Variants in BTN1A1 observed in about 807,000 individuals in gnomAD.
The protein encoded by BTN1A1 is bK14H9.2 (butyrophilin, subfamily 1, member A1).
Under a neutral mutation model 33.1 loss-of-function variants are expected in BTN1A1, and 26 were observed. The observed-to-expected ratio is 0.79, with a 90% CI of 0.58 to 1.09. The LOEUF is 1.09. Ranked by LOEUF, BTN1A1 falls within the 50% of genes least tolerant of loss-of-function variation. BTN1A1 has a pLI of 0.00. For missense variants in BTN1A1, 558 were observed against 655.7 expected (o/e 0.85, Z 1.63); for synonymous variants, 235 against 256.2 (o/e 0.92, Z 0.79).
chr6:26,509,107 C>A lies in BTN1A1; in HGVS notation c.1514C>A (p.Ala505Asp). ...IPLSPMGEDSAPRDADTLHSK... is the reference protein window; with the variant it reads ...IPLSPMGEDSDPRDADTLHSK... ...TTGTCCCCCATGGGGGAGGACTCTG[C>A]CCCTAGGGATGCAGACACTCTCCAT... The change falls in exon 8 of 8, where the codon GCC becomes GAC. Residue 505 changes from alanine to aspartate, a missense_variant. By Grantham distance (126) the Ala-to-Asp change is moderately radical. Transcript: ENST00000684113. The A allele has an allele frequency of 6.2e-7, 1 of 1,614,022 alleles. No individual in the cohort carries two copies. The highest frequency in any genetic ancestry group is 8.5e-7 in the Non-Finnish European group (1 of 1,179,958).
At position 26,501,532 on chromosome 6, in the gene BTN1A1, G is replaced by T; in HGVS notation, c.80-58G>T. Reference sequence around the variant, plus strand: ...CTGCGCTTTGGCGGGAATCTGGTCGGTGTCTGTCCGTAGTTCCCATCTCCA... The same window carrying T: ...CTGCGCTTTGGCGGGAATCTGGTCGTTGTCTGTCCGTAGTTCCCATCTCCA... On this transcript the variant is annotated intron_variant, in intron 2 of 7. Transcript: ENST00000684113. The surrounding 1 kb of genome is among the most constrained non-coding windows in gnomAD (Gnocchi z 5.2). 6.2e-7 allele frequency: 1 copy of T among 1,601,558 alleles called. No individual in the cohort carries two copies. Among genetic ancestry groups the T allele is most frequent in the Non-Finnish European group, 8.5e-7 (1 of 1,171,736 alleles).
rs1467155978 is a variant in BTN1A1, at chr6:26,501,546, T to C, written c.80-44T>C. On this transcript the variant is annotated intron_variant, in intron 2 of 7. Transcript: ENST00000684113. The surrounding 1 kb of genome is among the most constrained non-coding windows in gnomAD (Gnocchi z 5.2). ...GAATCTGGTCGGTGTCTGTCCGTAGTTCCCATCTCCACATCCCGTCTGATC... is the reference window on the plus strand; with the variant it reads ...GAATCTGGTCGGTGTCTGTCCGTAGCTCCCATCTCCACATCCCGTCTGATC... The C allele has an allele frequency of 6.2e-7, 1 of 1,605,640 alleles. No homozygotes were observed. Among genetic ancestry groups the C allele is most frequent in the Non-Finnish European group, 8.5e-7 (1 of 1,174,314 alleles).
Position 26,501,832 on chromosome 6 carries a change from G to T in BTN1A1, c.322G>T (p.Ala108Ser). 3 of 1,612,228 alleles carry T rather than the reference G, an allele frequency of 1.9e-6. No homozygotes were observed. Among genetic ancestry groups the T allele is most frequent in the Non-Finnish European group, 2.5e-6 (3 of 1,178,818 alleles). The change falls in exon 3 of 8, where the codon GCC becomes TCC. Residue 108 changes from alanine (A) to serine (S), a missense_variant. Physicochemically the swap from Ala to Ser is moderately conservative, Grantham distance 99. Transcript: ENST00000684113. The surrounding 1 kb of genome is among the most constrained non-coding windows in gnomAD (Gnocchi z 5.2). ...GGACGGCATCGCCAAGGGGCGCGTG[G>T]CCTTGAGGATCCGTGGCGTCAGAGT... ...VQDGIAKGRV[A>S]LRIRGVRVSD... is the part of the protein sequence containing the mutation.
In BTN1A1 at chr6:26,501,497, G is replaced by A. The variant is rs1763797440; in HGVS notation, c.80-93G>A. The A allele has an allele frequency of 9.5e-6, 15 of 1,586,084 alleles. No individual in the cohort carries two copies. Among genetic ancestry groups the A allele is most frequent in the Non-Finnish European group, 1.3e-5 (15 of 1,159,048 alleles). ...ACTCAGCTGTCAAAGGAGTAAGAGA[G>A]CGCGGGGCACTGCGCTTTGGCGGGA... On this transcript the variant is annotated intron_variant, in intron 2 of 7. Coordinates refer to ENST00000684113, the MANE Select transcript of BTN1A1 (RefSeq NM_001732.3). This position sits in a 1 kb window ranked among gnomAD's most constrained non-coding sequence, Gnocchi z 5.2.
At chr6:26,506,541 A>G in intron 4 of BTN1A1, 142 bp from the exon 5 acceptor site, 1 of 811,340 alleles carries the variant, frequency 1.2e-6, no homozygotes, top group South Asian at 1.7e-5. Flanking sequence ...TTAGAGTGGC[A>G]TTGGAGTGAC....
intron 5 of BTN1A1, among the ~76,000 whole-genome samples, chr6:26,507,193 C>T (rs1398909423): frequency 6.6e-6 from 1 of 151,926 alleles, no homozygotes; most frequent in African/African-American, 2.4e-5. Context: ...TGCACTCTAG[C>T]CTGAGCGACA....
At position 26,508,485 on chromosome 6, in the gene BTN1A1, G is replaced by A. The variant is rs774265636; in HGVS notation, c.908-16G>A. On this transcript the variant is annotated splice_polypyrimidine_tract_variant and intron_variant, in intron 7 of 7. Transcript: ENST00000684113. ...AATATTCACTGATGTCAGACCTGCT[G>A]TTTCTTTCTCTCCAGTTGATGTGAC... 5 of 1,601,254 alleles carry A rather than the reference G, an allele frequency of 3.1e-6. No individual in the cohort carries two copies. Among genetic ancestry groups the A allele is most frequent in the Admixed American group, 3.4e-5 (2 of 58,928 alleles).
At chr6:26,506,273 T>C (rs1221867103) in intron 4 of BTN1A1, among the ~76,000 whole-genome samples, 1 of 152,204 alleles carries the variant, frequency 6.6e-6, no homozygotes, top group Non-Finnish European at 1.5e-5. Flanking sequence ...ATACTGTCTC[T>C]GGTTCAGGCA....
Position 26,501,770 on chromosome 6 carries a change from A to G in BTN1A1, c.260A>G (p.Gln87Arg). The G allele has an allele frequency of 3.1e-6, 5 of 1,613,754 alleles. No homozygotes were observed. The highest frequency in any genetic ancestry group is 4.2e-6 in the Non-Finnish European group (5 of 1,179,968). The change falls in exon 3 of 8, where the codon CAG becomes CGG. Residue 87 changes from glutamine (Q) to arginine (R), a missense_variant. Transcript: ENST00000684113. This position sits in a 1 kb window ranked among gnomAD's most constrained non-coding sequence, Gnocchi z 5.2. ...HRDGREQEAEQMPEYRGRATL... is the reference protein window; with the variant it reads ...HRDGREQEAERMPEYRGRATL... ...GACGGGCGCGAGCAGGAAGCCGAGC[A>G]GATGCCCGAGTACCGCGGGCGGGCG... is the stretch of plus-strand genomic sequence containing the variant.
In BTN1A1 at chr6:26,509,258, A is replaced by G; in HGVS notation, c.*84A>G. 1 of 1,283,256 alleles carries G rather than the reference A, an allele frequency of 7.8e-7. No individual in the cohort carries two copies. 79.5% of individuals were successfully genotyped at this position (1,283,256 alleles called of 1,614,324 possible). On this transcript the variant is annotated 3_prime_UTR_variant, in exon 8 of 8. Coordinates refer to ENST00000684113, the MANE Select transcript of BTN1A1 (RefSeq NM_001732.3). The stretch of plus-strand genomic sequence containing the variant: ...GAGGCTTCACCTGCTAGCTTTACCC[A>G]GTCTGTTTCTTCCTGTTGGGTGGCA...
chr6:26,509,227 C>A lies in BTN1A1; in HGVS notation c.*53C>A. On this transcript the variant is annotated 3_prime_UTR_variant, in exon 8 of 8. Transcript: ENST00000684113. ...TTCCTCTAACCCCTCTCCTCCATAG[C>A]CTTCTGAGGCTTCACCTGCTAGCTT... is the stretch of plus-strand genomic sequence containing the variant. 1 of 1,459,896 alleles carries A rather than the reference C, an allele frequency of 6.8e-7. No individual in the cohort carries two copies. Among genetic ancestry groups the A allele is most frequent in the Non-Finnish European group, 9.3e-7 (1 of 1,074,782 alleles). 90.4% of individuals were successfully genotyped at this position (1,459,896 alleles called of 1,614,324 possible).
Position 26,509,290 on chromosome 6 carries a change from T to A in BTN1A1, c.*116T>A. 3 of 993,340 alleles carry A rather than the reference T, an allele frequency of 3.0e-6. No individual in the cohort carries two copies. Among genetic ancestry groups the A allele is most frequent in the Non-Finnish European group, 3.0e-6 (2 of 676,098 alleles). 61.5% of individuals were successfully genotyped at this position (993,340 alleles called of 1,614,324 possible). On this transcript the variant is annotated 3_prime_UTR_variant, in exon 8 of 8. Coordinates refer to ENST00000684113, the MANE Select transcript of BTN1A1 (RefSeq NM_001732.3). ...TTCTTCCTGTTGGGTGGCAATTAATTAATCCTGTGAAGGTTACATTGCTGC... is the reference window on the plus strand; with the variant it reads ...TTCTTCCTGTTGGGTGGCAATTAATAAATCCTGTGAAGGTTACATTGCTGC...
In BTN1A1 at chr6:26,507,506, ACATGAGG is replaced by A. The variant is rs543891660; in HGVS notation, c.860-442_860-436del. Among the ~76,000 whole-genome samples, 24 of 152,290 alleles carry A rather than the reference ACATGAGG, an allele frequency of 1.6e-4. 2 individuals carry two copies. In the South Asian group the frequency reaches 3.7e-3, roughly 24 times the overall value. On this transcript the variant is annotated intron_variant, in intron 5 of 7. Transcript: ENST00000684113. ...TTTGGGAGGCCGAGATGGGTGGAAC[ACATGAGG>A]CCAGGAGTTCAAGACCAGACTGGAC...
intron 4 of BTN1A1, 78 bp from the exon 5 acceptor site, chr6:26,506,605 C>T: frequency 1.3e-6 from 2 of 1,492,536 alleles, no homozygotes; most frequent in South Asian, 1.2e-5. Flanking sequence ...CCTCTTCTAC[C>T]CTCCTTTGGA....
intron 3 of BTN1A1, 36 bp from the exon 4 acceptor site, chr6:26,504,889 C>A (rs1763848512): frequency 6.3e-7 from 1 of 1,597,886 alleles, no homozygotes; most frequent in East Asian, 2.2e-5. Flanking sequence ...CAAAAGGGGT[C>A]CGCTAAAACA....
intron 3 of BTN1A1, among the ~76,000 whole-genome samples, 154 bp downstream of exon 3, chr6:26,502,091 G>A (rs190731750): frequency 1.1e-3 from 168 of 152,226 alleles, no homozygotes; most frequent in African/African-American, 3.9e-3. Flanking sequence ...GGAGGCGAGG[G>A]GGGGTAAAAG....
At chr6:26,505,244 A>G in intron 4 of BTN1A1, 38 bp downstream of exon 4, 1 of 1,586,976 alleles carries the variant, frequency 6.3e-7, no homozygotes. Flanking sequence ...CTATGTTGAC[A>G]CAGCTTCAGA....
chr6:26,506,602 T>C, intron 4 of BTN1A1, 81 bp from the exon 5 acceptor site: 5 of 1,483,512 alleles, frequency 3.4e-6, no homozygotes, highest in South Asian at 1.2e-5. Context: ...TCACCTCTTC[T>C]ACCCTCCTTT....
In BTN1A1 at chr6:26,505,129, C is replaced by T; in HGVS notation, c.632C>T (p.Thr211Ile). The T allele has an allele frequency of 6.2e-7, 1 of 1,614,016 alleles. No homozygotes were observed. Among genetic ancestry groups the T allele is most frequent in the Non-Finnish European group, 8.5e-7 (1 of 1,179,872 alleles). Residue 211 changes from threonine to isoleucine, a missense_variant, in exon 4 of 8, where the codon ACT (threonine) becomes ATT (isoleucine). Thr to Ile is a moderately conservative substitution (Grantham distance 89). Transcript: ENST00000684113. ...TVAASVIIRD[T>I]SAKNVSCYIQ... ...GCTGCTTCAGTGATCATCAGAGACACTTCTGCGAAAAATGTGTCCTGCTAC... is the reference window on the plus strand; with the variant it reads ...GCTGCTTCAGTGATCATCAGAGACATTTCTGCGAAAAATGTGTCCTGCTAC...
Sources: allele counts gnomAD v4.1 joint callset (sites outside exome capture counted in the v4.1 genomes callset), GRCh38; gene constraint gnomAD v4.1.1; non-coding constraint Gnocchi (gnomAD v3.1); transcripts MANE v1.5; gene names NCBI Gene and HGNC (gene_info 2026-07-23, HGNC 2026-07-21).